FAM47E: variants seen among roughly 807,000 people sequenced by gnomAD.
The protein encoded by FAM47E is family with sequence similarity 47 member E, also known as protein FAM47E.
A neutral mutation model predicts 41.6 loss-of-function variants in FAM47E; 32 were observed. The ratio of observed to expected loss-of-function variants is 0.77; its 90% CI spans 0.58 to 1.03. The LOEUF (loss-of-function observed/expected upper bound fraction) is 1.03, where lower values mean the gene tolerates loss of function less well. Ranked by LOEUF, FAM47E falls within the 50% of genes least tolerant of loss-of-function variation. FAM47E has a pLI of 0.00. For missense variants in FAM47E, 424 were observed against 485.4 expected, an observed-to-expected ratio of 0.87 and a Z score of 1.19; for synonymous variants, 184 against 188.7, an observed-to-expected ratio of 0.98 and a Z score of 0.20.
intron 2 of FAM47E, among the ~76,000 whole-genome samples, chr4:76,263,044 T>C (rs1423404619): frequency 6.6e-6 from 1 of 152,068 alleles, no homozygotes; most frequent in Non-Finnish European, 1.5e-5. Context: ...TGAGATTATA[T>C]GCCTTAGCCA....
intron 1 of FAM47E, among the ~76,000 whole-genome samples, chr4:76,215,595 G>C (rs957563138): frequency 1.3e-5 from 2 of 152,186 alleles, no homozygotes; most frequent in African/African-American, 4.8e-5. Flanking sequence ...TAAACCAATA[G>C]AATACAGTGG....
At chr4:76,270,589 A>G (rs1190193629) in intron 4 of FAM47E, among the ~76,000 whole-genome samples, 4 of 152,074 alleles carry the variant, frequency 2.6e-5, no homozygotes, top group Non-Finnish European at 5.9e-5. Flanking sequence ...GGATTGCCTG[A>G]TTTCCAGCGT....
chr4:76,230,457 C>A (rs1313762396), intron 2 of FAM47E, among the ~76,000 whole-genome samples: 1 of 151,988 alleles, frequency 6.6e-6, no homozygotes, highest in Non-Finnish European at 1.5e-5. Context: ...AGAAAGCAAG[C>A]ATCACTTTCA....
rs1378031746 is a variant in FAM47E, at chr4:76,256,279, G to T, written c.176G>T (p.Cys59Phe). Residue 59 changes from cysteine (C) to phenylalanine (F), a missense_variant, in exon 2 of 8, where the codon TGC (cysteine) becomes TTC (phenylalanine). Coordinates refer to ENST00000424749, the MANE Select transcript of FAM47E (RefSeq NM_001136570.3). ...RKGLDDFRKG[C>F]PPCTGLVTQV... ...GGGCTGGACGACTTCAGGAAGGGCT[G>T]CCCGCCTTGCACTGGTCTGGTGACT... The T allele has an allele frequency of 6.4e-7, 1 of 1,551,716 alleles. No individual in the cohort carries two copies. Among genetic ancestry groups the T allele is most frequent in the Admixed American group, 2.0e-5 (1 of 51,012 alleles).
chr4:76,251,185 A>G (rs1020541158), upstream of FAM47E, among the ~76,000 whole-genome samples: 3 of 152,098 alleles, frequency 2.0e-5, no homozygotes, highest in Non-Finnish European at 4.4e-5. Flanking sequence ...AAGTGAGTCG[A>G]GGCAGAAGAA....
intron 6 of FAM47E, 63 bp downstream of exon 6, chr4:76,278,287 C>T (rs1232109507): frequency 7.1e-7 from 1 of 1,414,722 alleles, no homozygotes; most frequent in Non-Finnish European, 9.2e-7. Context: ...ATCTGCCACC[C>T]TCCTACTGAA....
upstream of FAM47E, among the ~76,000 whole-genome samples, chr4:76,251,044 ATGCTT>A (rs1733948316): frequency 6.6e-6 from 1 of 152,168 alleles, no homozygotes; most frequent in Non-Finnish European, 1.5e-5. Flanking sequence ...AGCAGAACCA[ATGCTT>A]ATATTTAAAT....
chr4:76,239,025 T>A (rs927959227), intron 2 of FAM47E, among the ~76,000 whole-genome samples: 2 of 152,246 alleles, frequency 1.3e-5, no homozygotes, highest in Non-Finnish European at 2.9e-5. Context: ...TCACTTAACA[T>A]AATGTCCTCA....
chr4:76,229,827 T>C (rs1733462897), intron 2 of FAM47E, among the ~76,000 whole-genome samples: 2 of 152,172 alleles, frequency 1.3e-5, no homozygotes, highest in African/African-American at 4.8e-5. Flanking sequence ...ATGCTAGCAG[T>C]GAAGTTTTTA....
chr4:76,272,972 T>C (rs978396962), intron 5 of FAM47E, among the ~76,000 whole-genome samples: 7 of 152,168 alleles, frequency 4.6e-5, no homozygotes, highest in African/African-American at 1.7e-4. Flanking sequence ...CTTTCAGCTT[T>C]TGTATGTCTG....
chr4:76,236,338 G>A (rs1464580296), intron 2 of FAM47E: 1 of 152,092 alleles, frequency 6.6e-6, no homozygotes, highest in Admixed American at 6.5e-5. Flanking sequence ...TTTTCATATT[G>A]TATTTATTTC....
chr4:76,282,245 G>C (rs188199123), intron 7 of FAM47E: 17 of 152,236 alleles, frequency 1.1e-4, no homozygotes, highest in African/African-American at 3.6e-4. Context: ...GGAAACAGGA[G>C]GTGAAGCTAG....
chr4:76,214,285 G>C (rs1461255741), exon 1 of FAM47E: 1 of 456,170 alleles, frequency 2.2e-6, no homozygotes, highest in Non-Finnish European at 4.4e-6. Flanking sequence ...ATGCCAGCAA[G>C]CATGTTCTGC....
At chr4:76,217,771 T>C in intron 2 of FAM47E, 1 of 424,940 alleles carries the variant, frequency 2.4e-6, no homozygotes, top group Middle Eastern at 3.0e-4. Flanking sequence ...GATCTCTCTA[T>C]ACCTAAAATC....
chr4:76,215,088 G>A (rs1161602564), intron 1 of FAM47E, among the ~76,000 whole-genome samples: 2 of 152,378 alleles, frequency 1.3e-5, no homozygotes, highest in East Asian at 1.9e-4. Context: ...GCTCAGTCAT[G>A]AGCTGGGAGC....
In FAM47E at chr4:76,255,357, G is replaced by A. The variant is rs577516926; in HGVS notation, c.75-821G>A. Among the ~76,000 whole-genome samples the A allele has an allele frequency of 8.5e-4, 129 of 152,230 alleles. 2 individuals are homozygous for A. Among genetic ancestry groups the A allele is most frequent in the East Asian group, 2.3e-3 (12 of 5,194 alleles). On this transcript the variant is annotated intron_variant, in intron 1 of 7. Coordinates refer to ENST00000424749, the MANE Select transcript of FAM47E (RefSeq NM_001136570.3). ...GTTGTTATGAGATTTAAATATGCTC[G>A]TATGTGTAAAGCATTTAGAACAGTA...
rs187570240 is a variant in FAM47E at position 76,227,297 on chromosome 4, C to T, written c.81+9609C>T. On this transcript the variant is annotated intron_variant, in intron 2 of 7. Transcript: ENST00000510197. The stretch of plus-strand genomic sequence containing the variant: ...TGTTGTTCCAAAGATCATTTAATGT[C>T]CAAAGATCATTCAGGAGTAGATTAT... Among the ~76,000 whole-genome samples the T allele has an allele frequency of 5.7e-3, 861 of 152,194 alleles. 6 individuals are homozygous for T. Among genetic ancestry groups the T allele is most frequent in the Admixed American group, 9.2e-3 (140 of 15,288 alleles).
intron 6 of FAM47E, 85 bp from the exon 7 acceptor site, chr4:76,280,178 AG>A: frequency 1.3e-6 from 1 of 780,850 alleles, no homozygotes; most frequent in Non-Finnish European, 2.1e-6. Context: ...ATACTTTATA[AG>A]GAACTAAATG....
intron 2 of FAM47E, among the ~76,000 whole-genome samples, chr4:76,241,254 T>C (rs1337227512): frequency 6.6e-6 from 1 of 152,174 alleles, no homozygotes; most frequent in Admixed American, 6.5e-5. Flanking sequence ...CTTCAATGTC[T>C]GGCTTCCAAA....
Sources: allele counts gnomAD v4.1 joint callset (sites outside exome capture counted in the v4.1 genomes callset), GRCh38; gene constraint gnomAD v4.1.1; transcripts MANE v1.5; gene names NCBI Gene and HGNC (gene_info 2026-07-23, HGNC 2026-07-21).